UBE2E2: variants seen among roughly 807,000 people sequenced by gnomAD.
The protein encoded by UBE2E2 is ubiquitin conjugating enzyme E2 E2, also known as ubiquitin-conjugating enzyme E2 E2.
In UBE2E2, 6 loss-of-function variants were observed where a neutral mutation model predicts 24.7. That is an observed-to-expected ratio of 0.24 (90% CI 0.13 to 0.48). UBE2E2 has a LOEUF of 0.48. Ranked by LOEUF, UBE2E2 falls within the 20% of genes least tolerant of loss-of-function variation. The pLI, the probability that UBE2E2 is intolerant of heterozygous loss-of-function variation, is 0.99. For missense variants in UBE2E2, 169 were observed against 245.0 expected (o/e 0.69, Z 2.07); for synonymous variants, 104 against 83.6 (o/e 1.24, Z -1.33).
At chr3:23,386,865 G>A (rs1696815294) in intron 3 of UBE2E2, among the ~76,000 whole-genome samples, 1 of 152,158 alleles carries the variant, frequency 6.6e-6, no homozygotes, top group Admixed American at 6.5e-5. Flanking sequence ...TTCATACATT[G>A]TGACCTGTTG....
intron 3 of UBE2E2, among the ~76,000 whole-genome samples, chr3:23,225,336 T>C (rs558134819): frequency 9.9e-5 from 15 of 152,158 alleles, no homozygotes; most frequent in Non-Finnish European, 2.1e-4. Context: ...TTTTGTTGTT[T>C]GTGCATTTGG....
At chr3:23,463,489 A>G (rs1300426891) in intron 3 of UBE2E2, among the ~76,000 whole-genome samples, 1 of 152,042 alleles carries the variant, frequency 6.6e-6, no homozygotes, top group Non-Finnish European at 1.5e-5. Context: ...AACTAGGAGT[A>G]GTCATAACCA....
chr3:23,582,167 G>C (rs1399884999), intron 5 of UBE2E2, among the ~76,000 whole-genome samples: 1 of 152,088 alleles, frequency 6.6e-6, no homozygotes, highest in Non-Finnish European at 1.5e-5. Flanking sequence ...TTTGTTTTCT[G>C]TTCCTGTGTT....
intron 3 of UBE2E2, among the ~76,000 whole-genome samples, chr3:23,337,192 G>A (rs1695235159): frequency 6.6e-6 from 1 of 151,376 alleles, no homozygotes; most frequent in South Asian, 2.1e-4. Context: ...TATATTTTCA[G>A]CATTAGCTAG....
chr3:23,458,574 C>T (rs556685283), intron 3 of UBE2E2, among the ~76,000 whole-genome samples: 8 of 152,172 alleles, frequency 5.3e-5, no homozygotes, highest in Admixed American at 2.0e-4. Context: ...CCCATCACCA[C>T]GCTGGGCTAA....
At chr3:23,385,518 C>T (rs1178406294) in intron 3 of UBE2E2, among the ~76,000 whole-genome samples, 1 of 152,172 alleles carries the variant, frequency 6.6e-6, no homozygotes, top group Admixed American at 6.6e-5. Context: ...GGCTAGACTC[C>T]AGGGCTTGCT....
intron 5 of UBE2E2, among the ~76,000 whole-genome samples, chr3:23,554,877 G>A (rs1403682914): frequency 6.6e-6 from 1 of 151,534 alleles, no homozygotes; most frequent in Non-Finnish European, 1.5e-5. Context: ...ATACAGTTCA[G>A]TAGCAAGAAA....
At chr3:23,506,645 C>G (rs1268330188) in intron 4 of UBE2E2, among the ~76,000 whole-genome samples, 1 of 152,128 alleles carries the variant, frequency 6.6e-6, no homozygotes, top group Admixed American at 6.6e-5. Flanking sequence ...ACAGTACACC[C>G]CATATGCTGA....
intron 3 of UBE2E2, among the ~76,000 whole-genome samples, chr3:23,275,979 A>G (rs1336806712): frequency 6.6e-6 from 1 of 152,140 alleles, no homozygotes. Flanking sequence ...GATGTCACTT[A>G]AGGGCTTTAA....
intron 3 of UBE2E2, among the ~76,000 whole-genome samples, chr3:23,286,588 T>C (rs771819250): frequency 1.3e-4 from 20 of 152,140 alleles, no homozygotes; most frequent in Non-Finnish European, 2.6e-4. Context: ...TAATATGATT[T>C]ATTCAGTTTT....
chr3:23,562,553 G>A (rs1239520076), intron 5 of UBE2E2, among the ~76,000 whole-genome samples: 1 of 152,152 alleles, frequency 6.6e-6, no homozygotes, highest in Non-Finnish European at 1.5e-5. Flanking sequence ...ATCTCTGCCA[G>A]GCTTTGGTAT....
intron 3 of UBE2E2, among the ~76,000 whole-genome samples, chr3:23,420,615 G>T (rs983841716): frequency 6.6e-6 from 1 of 152,170 alleles, no homozygotes; most frequent in African/African-American, 2.4e-5. Flanking sequence ...GTTCATAGTT[G>T]TAACTTCTAA....
chr3:23,434,807 A>G (rs1352871755), intron 3 of UBE2E2, among the ~76,000 whole-genome samples: 1 of 152,180 alleles, frequency 6.6e-6, no homozygotes, highest in Non-Finnish European at 1.5e-5. Flanking sequence ...TATTAGCTCC[A>G]ATTTTCCCCT....
intron 3 of UBE2E2, among the ~76,000 whole-genome samples, chr3:23,228,488 A>G (rs1696883678): frequency 6.6e-6 from 1 of 152,158 alleles, no homozygotes; most frequent in Non-Finnish European, 1.5e-5. Flanking sequence ...ATCTTTTAAG[A>G]TATCCTGAAA....
intron 3 of UBE2E2, among the ~76,000 whole-genome samples, chr3:23,238,616 G>T (rs565998891): frequency 1.3e-5 from 2 of 152,222 alleles, no homozygotes; most frequent in African/African-American, 4.8e-5. Context: ...TGAGATGCTT[G>T]GGACCAAAAG....
chr3:23,574,179 T>C (rs1696290804), intron 5 of UBE2E2, among the ~76,000 whole-genome samples: 2 of 151,996 alleles, frequency 1.3e-5, no homozygotes. Context: ...TTAAAACCAC[T>C]GAACTCATGA....
chr3:23,502,220 TTC>T (rs780033371), intron 4 of UBE2E2, among the ~76,000 whole-genome samples: 6 of 122,962 alleles, frequency 4.9e-5, no homozygotes, highest in Non-Finnish European at 8.2e-5. Context: ...CTTGGTATTT[TTC>T]TCTCTTTTGC....
At chr3:23,545,196 T>C (rs562799244) in intron 5 of UBE2E2, among the ~76,000 whole-genome samples, 86 of 152,154 alleles carry the variant, frequency 5.7e-4, no homozygotes, top group African/African-American at 1.9e-3. Flanking sequence ...CTAATCCTCC[T>C]CAGCACAGAC....
chr3:23,390,875 C>T (rs1013746094), intron 3 of UBE2E2, among the ~76,000 whole-genome samples: 1 of 152,142 alleles, frequency 6.6e-6, no homozygotes, highest in East Asian at 1.9e-4. Flanking sequence ...TATATCTTTG[C>T]TTTTGGCGTT....
Sources: allele counts gnomAD v4.1 joint callset (sites outside exome capture counted in the v4.1 genomes callset), GRCh38; gene constraint gnomAD v4.1.1; transcripts MANE v1.5; gene names NCBI Gene and HGNC (gene_info 2026-07-23, HGNC 2026-07-21).